The following ARHGEF4 variants were observed in gnomAD, a reference collection of about 807,000 sequenced individuals.
ARHGEF4 encodes the protein Rho guanine nucleotide exchange factor 4, also known as APC-stimulated guanine nucleotide exchange factor 1.
In ARHGEF4, 119 loss-of-function variants were observed where a neutral mutation model predicts 162.0. The ratio of observed to expected loss-of-function variants is 0.73; its 90% CI spans 0.63 to 0.86. The LOEUF (loss-of-function observed/expected upper bound fraction) is 0.86, where lower values mean the gene tolerates loss of function less well. Ranked by LOEUF, ARHGEF4 falls within the 40% of genes least tolerant of loss-of-function variation. The pLI, the probability that ARHGEF4 is intolerant of heterozygous loss-of-function variation, is 0.00. For missense variants in ARHGEF4, 2,488 were observed against 2,456.0 expected (o/e 1.01, Z -0.28); for synonymous variants, 1,014 against 979.9 (o/e 1.03, Z -0.65).
chr2:130,887,331 C>CA (rs1197328534), intron 1 of ARHGEF4, among the ~76,000 whole-genome samples: 2,152 of 136,054 alleles, frequency 0.016, 66 homozygotes, highest in African/African-American at 0.053. Flanking sequence ...ACCCTGTCTC[C>CA]AAAAAAAAAA....
chr2:130,958,039 G>A (rs1445634200), intron 4 of ARHGEF4, among the ~76,000 whole-genome samples: 1 of 151,910 alleles, frequency 6.6e-6, no homozygotes, highest in East Asian at 1.9e-4. Context: ...AAAGAAGCAG[G>A]GGTAAAGGCT....
In ARHGEF4 at chr2:131,044,565, G is replaced by C. The variant is rs1188716853; in HGVS notation, c.5401+23G>C. The C allele has an allele frequency of 2.6e-6, 4 of 1,540,504 alleles. No individual in the cohort carries two copies. In the Middle Eastern group the frequency reaches 5.6e-4, roughly 215 times the overall value. ...CAGGTTCGAGACCCTGCTGGGCCTT[G>C]CCCCGCCCCCAGGGCCCACCCGGCG... On this transcript the variant is annotated intron_variant, in intron 12 of 13. Transcript: ENST00000409359.
Position 130,931,266 on chromosome 2 carries a change from C to T in ARHGEF4, c.3858+9C>T, listed in dbSNP as rs1480076579. 6.3e-7 allele frequency: 1 copy of T among 1,592,516 alleles called. No individual in the cohort carries two copies. Among genetic ancestry groups the T allele is most frequent in the South Asian group, 1.1e-5 (1 of 88,310 alleles). ...ACAAAGATGGAGTCAAGGTAAGCCA[C>T]TCCCGGCCAGGAGTCCTCAGACTTG... On this transcript the variant is annotated intron_variant, in intron 3 of 13. Coordinates refer to ENST00000409359, the MANE Select transcript of ARHGEF4 (RefSeq NM_001367493.1).
Position 130,914,487 on chromosome 2 carries a change from A to C in ARHGEF4, c.541A>C (p.Thr181Pro). 7.0e-7 allele frequency: 1 copy of C among 1,433,266 alleles called. No individual in the cohort carries two copies. The highest frequency in any genetic ancestry group is 9.1e-7 in the Non-Finnish European group (1 of 1,099,620). 88.8% of individuals were successfully genotyped at this position (1,433,266 alleles called of 1,614,324 possible). A position where few individuals can be genotyped will look rare whatever the true frequency, so the allele number is the denominator to read the frequency against. The change falls in exon 2 of 14, where the codon ACA (threonine) becomes CCA (proline). Residue 181 changes from threonine to proline, a missense_variant. Coordinates refer to ENST00000409359, the MANE Select transcript of ARHGEF4 (RefSeq NM_001367493.1). ...TTTGCTGGCAGGGGTTCCCCGACAC[A>C]CAGGGTGCTGCTTACAGAGGGCCAC... ...ESLLAGVPRH[T>P]GCCLQRATDS...
At chr2:130,875,902 A>G (rs888397218) in intron 1 of ARHGEF4, among the ~76,000 whole-genome samples, 1 of 152,072 alleles carries the variant, frequency 6.6e-6, no homozygotes, top group Non-Finnish European at 1.5e-5. Flanking sequence ...TTTAACACCA[A>G]TCCAGCTTCC....
intron 4 of ARHGEF4, among the ~76,000 whole-genome samples, chr2:130,998,216 T>G (rs1687529103): frequency 6.6e-6 from 1 of 152,236 alleles, no homozygotes; most frequent in South Asian, 2.1e-4. Flanking sequence ...GTGCTATCAT[T>G]GTTAACATGA....
intron 1 of ARHGEF4, among the ~76,000 whole-genome samples, chr2:130,879,376 A>G (rs138155140): frequency 2.6e-5 from 4 of 152,326 alleles, no homozygotes; most frequent in Non-Finnish European, 4.4e-5. Context: ...TGATATATGT[A>G]TACATTGTGG....
At chr2:131,044,100 G>A (rs781407189) in intron 11 of ARHGEF4, among the ~76,000 whole-genome samples, 199 bp from the exon 12 acceptor site, 2 of 152,134 alleles carry the variant, frequency 1.3e-5, no homozygotes, top group African/African-American at 4.8e-5. Context: ...CAAAATAAAG[G>A]AGCAAGGCCT....
At chr2:130,840,720 A>G (rs942242049) in intron 1 of ARHGEF4, among the ~76,000 whole-genome samples, 2 of 152,174 alleles carry the variant, frequency 1.3e-5, no homozygotes, top group Non-Finnish European at 2.9e-5. Context: ...CATGGCCTGC[A>G]TGCGCCACTG....
chr2:131,039,837 T>C (rs1165996168), intron 6 of ARHGEF4, 179 bp from the exon 7 acceptor site: 19 of 1,411,490 alleles, frequency 1.3e-5, no homozygotes, highest in Non-Finnish European at 1.7e-5. Flanking sequence ...GGAGTCGTCA[T>C]TCCTCGGTCC....
At chr2:130,988,885 TATATATATATATATATAG>T (rs1455043728) in intron 4 of ARHGEF4, among the ~76,000 whole-genome samples, 5 of 97,844 alleles carry the variant, frequency 5.1e-5, no homozygotes, top group African/African-American at 1.9e-4. Context: ...TATATATATA[TATATATATATATATATAG>T]AGAGAGAGAG....
intron 1 of ARHGEF4, among the ~76,000 whole-genome samples, chr2:130,848,972 C>G (rs1458035880): frequency 6.6e-6 from 1 of 152,154 alleles, no homozygotes; most frequent in East Asian, 1.9e-4. Flanking sequence ...ATCCTCCATC[C>G]CAGCCATGCT....
intron 4 of ARHGEF4, among the ~76,000 whole-genome samples, chr2:130,986,813 T>C (rs2105268447): frequency 6.6e-6 from 1 of 152,326 alleles, no homozygotes; most frequent in Non-Finnish European, 1.5e-5. Flanking sequence ...ATAGTTCCCT[T>C]TCTCTGGCTG....
intron 4 of ARHGEF4, among the ~76,000 whole-genome samples, chr2:130,971,385 G>A (rs191685595): frequency 6.6e-6 from 1 of 152,226 alleles, no homozygotes; most frequent in East Asian, 1.9e-4. Flanking sequence ...TATCAGTTAG[G>A]TGCAGTGGCT....
chr2:130,886,494 A>G (rs1023973151), intron 1 of ARHGEF4, among the ~76,000 whole-genome samples: 1 of 151,822 alleles, frequency 6.6e-6, no homozygotes, highest in Non-Finnish European at 1.5e-5. Flanking sequence ...CCTGGCTAAC[A>G]TGGTGAAACC....
rs1191831545 is a variant in ARHGEF4 at position 130,915,617 on chromosome 2, G to C, written c.1671G>C (p.Gln557His). 8 of 1,550,434 alleles carry C rather than the reference G, an allele frequency of 5.2e-6. No homozygotes were observed. Among genetic ancestry groups the C allele is most frequent in the African/African-American group, 1.4e-5 (1 of 73,040 alleles). The change falls in exon 2 of 14, where the codon CAG becomes CAC. Residue 557 changes from glutamine (Q) to histidine (H), a missense_variant. Around this residue, in one of 6 missense-constraint regions of ARHGEF4, gnomAD observed 1,642 missense variants for 1,481.5 expected, o/e 1.11. Coordinates refer to ENST00000409359, the MANE Select transcript of ARHGEF4 (RefSeq NM_001367493.1). ...GTTCAGATGCCCCTGAGACCACCCA[G>C]AAATCAAGCGCAATAGACACTTCAA... Reference protein sequence around the residue: ...SDSSDAPETTQKSSAIDTSKA... With the variant: ...SDSSDAPETTHKSSAIDTSKA...
chr2:131,039,234 G>T, intron 6 of ARHGEF4: 1 of 1,268,526 alleles, frequency 7.9e-7, no homozygotes, highest in Non-Finnish European at 1.0e-6. Context: ...AGCCCTCGGG[G>T]GCCAGAGAGG....
chr2:130,880,044 C>T (rs533694520), intron 1 of ARHGEF4, among the ~76,000 whole-genome samples: 3 of 152,214 alleles, frequency 2.0e-5, no homozygotes, highest in Non-Finnish European at 2.9e-5. Context: ...TTGTGAACCA[C>T]GCTCACACAG....
chr2:130,917,102 G>T lies in ARHGEF4; in HGVS notation c.3156G>T (p.Trp1052Cys). 1 of 1,550,528 alleles carries T rather than the reference G, an allele frequency of 6.4e-7. No homozygotes were observed. Among genetic ancestry groups the T allele is most frequent in the Non-Finnish European group, 8.7e-7 (1 of 1,146,980 alleles). The change falls in exon 2 of 14, where the codon TGG becomes TGT. Residue 1052 changes from tryptophan to cysteine, a missense_variant. Physicochemically the swap from Trp to Cys is radical, Grantham distance 215. Coordinates refer to ENST00000409359, the MANE Select transcript of ARHGEF4 (RefSeq NM_001367493.1). ...LPSGIFPEKS[W>C]LASPGSPRAQ... ...CAGGTATCTTTCCGGAAAAGTCCTG[G>T]CTGGCGTCCCCCGGCAGCCCTCGGG... is the stretch of plus-strand genomic sequence containing the variant.
Sources: gnomAD v4.1 joint callset for allele counts (sites outside exome capture counted in the v4.1 genomes callset) on GRCh38, gnomAD v4.1.1 for gene constraint, gnomAD v4.1.1 regional missense constraint, MANE v1.5 for transcripts, NCBI Gene and HGNC (gene_info 2026-07-23, HGNC 2026-07-21) for gene names.